The following BAG4 variants were observed in gnomAD, a reference collection of about 807,000 sequenced individuals.
BAG4 encodes the protein BAG cochaperone 4.
BAG4 carries 28 observed loss-of-function variants against 52.1 expected under a neutral mutation model. The ratio of observed to expected loss-of-function variants is 0.54; its 90% confidence interval spans 0.40 to 0.74. The LOEUF (loss-of-function observed/expected upper bound fraction) is 0.74, where lower values mean the gene tolerates loss of function less well. BAG4 is among the 30% of genes least tolerant of loss of function. The pLI is 0.00. For missense variants in BAG4, 525 were observed against 572.0 expected (o/e 0.92, Z 0.84); for synonymous variants, 208 against 217.0 (o/e 0.96, Z 0.37).
chr8:38,179,785 A>C (rs561121674), intron 1 of BAG4, among the ~76,000 whole-genome samples: 1 of 152,090 alleles, frequency 6.6e-6, no homozygotes, highest in Non-Finnish European at 1.5e-5. Flanking sequence ...AAATAAAGAA[A>C]GAAAGATCCA....
chr8:38,181,985 A>T (rs1461076387), intron 1 of BAG4, among the ~76,000 whole-genome samples: 2 of 145,296 alleles, frequency 1.4e-5, no homozygotes, highest in African/African-American at 5.1e-5. Context: ...ACAAGTTTGG[A>T]GTTGGAGCAG....
intron 1 of BAG4, among the ~76,000 whole-genome samples, chr8:38,180,187 A>G (rs968870264): frequency 6.6e-6 from 1 of 152,216 alleles, no homozygotes; most frequent in Non-Finnish European, 1.5e-5. Flanking sequence ...TTAAAAGTAT[A>G]GGATGGTAAT....
rs766617459 is a variant in BAG4, at chr8:38,207,515, T to C, written c.382T>C (p.Leu128=). 19 of 1,607,464 alleles carry C rather than the reference T, an allele frequency of 1.2e-5. 1 individual carries two copies. Among genetic ancestry groups the C allele is most frequent in the South Asian group, 8.8e-5 (8 of 90,880 alleles). The change falls in exon 3 of 5, where the codon TTG becomes CTG. Residue 128 remains leucine, a synonymous_variant. Coordinates refer to ENST00000287322, the MANE Select transcript of BAG4 (RefSeq NM_004874.4). Reference sequence around the variant, plus strand: ...CACTCAACTTGGTTTTTTTCAGAGTTTGAATTCTTATACAAATGGAGCGTA... The same window carrying C: ...CACTCAACTTGGTTTTTTTCAGAGTCTGAATTCTTATACAAATGGAGCGTA... ...PVRPELQGQS[L]NSYTNGAYGP...
intron 1 of BAG4, among the ~76,000 whole-genome samples, chr8:38,181,558 G>A (rs1177307430): frequency 6.6e-6 from 1 of 151,584 alleles, no homozygotes; most frequent in Non-Finnish European, 1.5e-5. Flanking sequence ...CCAACGTGGT[G>A]AAACCCCGTC....
chr8:38,207,482 C>CT (rs34871726), intron 2 of BAG4, 30 bp from the exon 3 acceptor site: 2 of 1,598,882 alleles, frequency 1.3e-6, no homozygotes, highest in African/African-American at 1.3e-5. Context: ...ACTAATTCAT[C>CT]TTTTTTTCAC....
At chr8:38,208,398 C>T (rs1031258840) in intron 3 of BAG4, among the ~76,000 whole-genome samples, 1 of 151,358 alleles carries the variant, frequency 6.6e-6, no homozygotes, top group African/African-American at 2.4e-5. Context: ...CAAGCTCCAC[C>T]TCCTGGGTTC....
intron 2 of BAG4, among the ~76,000 whole-genome samples, chr8:38,207,067 G>A (rs1585666916): frequency 6.6e-6 from 1 of 150,604 alleles, no homozygotes; most frequent in East Asian, 2.0e-4. Context: ...ATTCTCCTGC[G>A]TCAGCCCCCC....
chr8:38,210,457 G>A lies in BAG4; in HGVS notation c.1338G>A (p.Gln446=), dbSNP rs1585669557. The change falls in exon 5 of 5, where the codon CAG becomes CAA. Residue 446 remains glutamine, a synonymous_variant. Transcript: ENST00000287322. ...GAAAAGAGGCTGTTTGTAAGATTCAGGCCATACTGGAAAAATTAGAAAAAA... is the reference window on the plus strand; with the variant it reads ...GAAAAGAGGCTGTTTGTAAGATTCAAGCCATACTGGAAAAATTAGAAAAAA... ...QARKEAVCKI[Q]AILEKLEKKG... The A allele has an allele frequency of 3.8e-6, 6 of 1,581,390 alleles. No individual in the cohort carries two copies. In the East Asian group the frequency reaches 1.3e-4, roughly 35 times the overall value.
At chr8:38,197,013 G>GT (rs1238166336) in intron 2 of BAG4, among the ~76,000 whole-genome samples, 1 of 152,052 alleles carries the variant, frequency 6.6e-6, no homozygotes, top group East Asian at 1.9e-4. Flanking sequence ...GGAGGCAGAG[G>GT]TTACAGTGAG....
chr8:38,187,777 A>C (rs181279233), intron 1 of BAG4, among the ~76,000 whole-genome samples: 1 of 151,164 alleles, frequency 6.6e-6, no homozygotes, highest in Non-Finnish European at 1.5e-5. Context: ...AATCCCAGCA[A>C]TTTGGGAGGC....
At chr8:38,195,412 C>T (rs927577456) in intron 2 of BAG4, among the ~76,000 whole-genome samples, 1 of 152,112 alleles carries the variant, frequency 6.6e-6, no homozygotes, top group Admixed American at 6.5e-5. Context: ...CTTCAGCCTC[C>T]TGAGTAGCTA....
chr8:38,193,038 T>G (rs917861865), intron 2 of BAG4, among the ~76,000 whole-genome samples: 5 of 152,210 alleles, frequency 3.3e-5, no homozygotes, highest in Admixed American at 2.6e-4. Context: ...TAAAATATAC[T>G]TATTTTTGAA....
intron 2 of BAG4, chr8:38,201,878 A>G (rs908852770): frequency 2.4e-4 from 1 of 4,224 alleles, no homozygotes; most frequent in African/African-American, 1.0e-3. Flanking sequence ...ATATATATAT[A>G]TATTTTTTTT....
intron 1 of BAG4, among the ~76,000 whole-genome samples, chr8:38,191,007 G>A (rs544702909): frequency 5.9e-5 from 9 of 152,054 alleles, no homozygotes; most frequent in Admixed American, 5.2e-4. Flanking sequence ...ATCCACCCGC[G>A]TCAGGCCTCC....
At chr8:38,186,722 T>C (rs562524882) in intron 1 of BAG4, among the ~76,000 whole-genome samples, 1 of 152,202 alleles carries the variant, frequency 6.6e-6, no homozygotes, top group Non-Finnish European at 1.5e-5. Context: ...CAGGGTGTTA[T>C]TAAAACCAGT....
intron 1 of BAG4, among the ~76,000 whole-genome samples, chr8:38,183,803 G>A (rs1486449991): frequency 1.3e-5 from 2 of 151,820 alleles, no homozygotes; most frequent in Non-Finnish European, 1.5e-5. Flanking sequence ...GATTACAGGC[G>A]TGAGCTACCG....
At chr8:38,206,203 G>T (rs1803767703) in intron 2 of BAG4, among the ~76,000 whole-genome samples, 1 of 151,132 alleles carries the variant, frequency 6.6e-6, no homozygotes, top group South Asian at 2.1e-4. Context: ...TGAATCTGGG[G>T]GGTGGAGGTT....
intron 2 of BAG4, chr8:38,201,929 T>C (rs916013908): frequency 7.4e-6 from 1 of 135,786 alleles, no homozygotes; most frequent in Non-Finnish European, 1.5e-5. Context: ...TTAATGTTGC[T>C]AAGGTGTCTG....
rs912275608 is a variant in BAG4, at chr8:38,179,301, C to T, written c.270+2162C>T. Among the ~76,000 whole-genome samples the T allele has an allele frequency of 2.0e-5, 3 of 151,926 alleles. No individual in the cohort carries two copies. The East Asian group carries it at 5.9e-4, about 30-fold the overall frequency. On this transcript the variant is annotated intron_variant, in intron 1 of 4. Transcript: ENST00000287322. ...CCTTCCTAGTAGCTGGGATTACAGG[C>T]GCCTGCCACCATGCCCAACTAAATT...
Sources: gnomAD v4.1 joint callset for allele counts (sites outside exome capture counted in the v4.1 genomes callset) on GRCh38, gnomAD v4.1.1 for gene constraint, MANE v1.5 for transcripts, NCBI Gene and HGNC (gene_info 2026-07-23, HGNC 2026-07-21) for gene names.